The following TMEM132D variants were observed in gnomAD, a reference collection of about 807,000 sequenced individuals.
The protein encoded by TMEM132D is mature OL transmembrane protein.
Under a neutral mutation model 62.3 loss-of-function variants are expected in TMEM132D, and 21 were observed. The ratio of observed to expected loss-of-function variants is 0.34; its 90% CI spans 0.24 to 0.49. TMEM132D has a LOEUF of 0.49. Ranked by LOEUF, TMEM132D falls within the 20% of genes least tolerant of loss-of-function variation. TMEM132D has a pLI of 0.99. For missense variants in TMEM132D, 1,346 were observed against 1,402.8 expected, an observed-to-expected ratio of 0.96 and a Z score of 0.65; for synonymous variants, 621 against 575.6, an observed-to-expected ratio of 1.08 and a Z score of -1.13.
intron 3 of TMEM132D, among the ~76,000 whole-genome samples, chr12:129,420,833 G>A (rs1007061106): frequency 6.6e-6 from 1 of 152,124 alleles, no homozygotes; most frequent in Non-Finnish European, 1.5e-5. Flanking sequence ...AGACAACCCA[G>A]GAATGTTTTT....
At chr12:129,200,716 G>A (rs1371614009) in intron 5 of TMEM132D, among the ~76,000 whole-genome samples, 4 of 152,168 alleles carry the variant, frequency 2.6e-5, no homozygotes, top group Non-Finnish European at 5.9e-5. Context: ...GCTGGGAGCC[G>A]GCTCTCCACC....
chr12:129,496,942 C>G (rs550330634), intron 3 of TMEM132D, among the ~76,000 whole-genome samples: 3 of 152,308 alleles, frequency 2.0e-5, no homozygotes, highest in East Asian at 1.9e-4. Flanking sequence ...CGGGACTCTG[C>G]CAGTGGGAGT....
chr12:129,678,445 C>T (rs773163977), intron 2 of TMEM132D, among the ~76,000 whole-genome samples: 1 of 152,004 alleles, frequency 6.6e-6, no homozygotes, highest in South Asian at 2.1e-4. Flanking sequence ...TTTTTGTTTT[C>T]GTTTATAAAA....
At chr12:129,168,557 T>G (rs1390842252) in intron 5 of TMEM132D, among the ~76,000 whole-genome samples, 2 of 152,174 alleles carry the variant, frequency 1.3e-5, no homozygotes, top group African/African-American at 4.8e-5. Flanking sequence ...CTTCACCTAA[T>G]ATGACGTCCT....
At chr12:129,683,802 T>C (rs1880842496) in intron 2 of TMEM132D, among the ~76,000 whole-genome samples, 1 of 152,212 alleles carries the variant, frequency 6.6e-6, no homozygotes, top group Admixed American at 6.5e-5. Flanking sequence ...CACACATCTA[T>C]CCTTGCCCAC....
intron 1 of TMEM132D, among the ~76,000 whole-genome samples, chr12:129,841,913 T>C (rs1873204080): frequency 6.7e-6 from 1 of 150,316 alleles, no homozygotes; most frequent in Admixed American, 6.6e-5. Context: ...GCCCTTGCTC[T>C]AAGCACTCGT....
rs138110416 is a variant in TMEM132D, at chr12:129,758,382, C to T, written c.80-57684G>A. Among the ~76,000 whole-genome samples the T allele has an allele frequency of 8.9e-3, 1,360 of 152,172 alleles. 16 individuals carry two copies. The highest frequency in any genetic ancestry group is 0.031 in the African/African-American group (1,274 of 41,526). On this transcript the variant is annotated intron_variant, in intron 1 of 8. Transcript: ENST00000422113. ...TTACTCAGGGAAATGCTCTCTTATC[C>T]GGATTATAGCAGATTTCATGCTGTA... is the stretch of plus-strand genomic sequence containing the variant.
chr12:129,354,630 G>A (rs1320145194), intron 3 of TMEM132D, among the ~76,000 whole-genome samples: 3 of 152,040 alleles, frequency 2.0e-5, no homozygotes, highest in African/African-American at 7.2e-5. Flanking sequence ...TCTTTATTGG[G>A]TATTTTTTTA....
At chr12:129,113,574 A>G (rs1311096780) in intron 5 of TMEM132D, among the ~76,000 whole-genome samples, 2 of 152,182 alleles carry the variant, frequency 1.3e-5, no homozygotes, top group Non-Finnish European at 2.9e-5. Flanking sequence ...CATATTAGCA[A>G]CAGGTGCTAA....
intron 3 of TMEM132D, among the ~76,000 whole-genome samples, chr12:129,482,454 A>G (rs1323914037): frequency 6.6e-6 from 1 of 152,250 alleles, no homozygotes; most frequent in African/African-American, 2.4e-5. Flanking sequence ...ATATGTTTAA[A>G]TACTTAAGTA....
chr12:129,753,645 G>A (rs1186561077), intron 1 of TMEM132D, among the ~76,000 whole-genome samples: 2 of 152,064 alleles, frequency 1.3e-5, no homozygotes, highest in Admixed American at 6.5e-5. Context: ...ACAATCACAC[G>A]ATATTCAGCA....
chr12:129,861,621 C>T (rs1315168828), intron 1 of TMEM132D, among the ~76,000 whole-genome samples: 2 of 152,022 alleles, frequency 1.3e-5, no homozygotes, highest in Admixed American at 1.3e-4. Context: ...ATTAGCCGGT[C>T]ATGGTGGTGC....
chr12:129,123,555 T>C (rs920106002), intron 5 of TMEM132D, among the ~76,000 whole-genome samples: 37 of 152,148 alleles, frequency 2.4e-4, no homozygotes, highest in Admixed American at 7.2e-4. Flanking sequence ...GAAATGATCC[T>C]TCAGTGATTT....
chr12:129,572,154 G>A (rs155693), intron 2 of TMEM132D, among the ~76,000 whole-genome samples: 38,945 of 152,200 alleles, frequency 0.26, 5,078 homozygotes, highest in East Asian at 0.39. Context: ...TGGAATCCAC[G>A]CTGACTCAGA....
chr12:129,675,401 A>G (rs1388039548), intron 2 of TMEM132D, among the ~76,000 whole-genome samples: 4 of 152,132 alleles, frequency 2.6e-5, no homozygotes, highest in Non-Finnish European at 4.4e-5. Context: ...GAGGGAGAGC[A>G]TTAGGACAAA....
At chr12:129,102,315 C>T (rs1024979815) in intron 5 of TMEM132D, among the ~76,000 whole-genome samples, 8 of 152,124 alleles carry the variant, frequency 5.3e-5, no homozygotes, top group African/African-American at 1.2e-4. Flanking sequence ...CATGCACACA[C>T]GTGTACACAC....
chr12:129,236,255 G>T (rs142313666), intron 4 of TMEM132D, among the ~76,000 whole-genome samples: 1 of 151,766 alleles, frequency 6.6e-6, no homozygotes, highest in Non-Finnish European at 1.5e-5. Flanking sequence ...AGTGGCTCAC[G>T]CTTGTTATCC....
intron 2 of TMEM132D, among the ~76,000 whole-genome samples, chr12:129,674,804 G>C (rs1370727109): frequency 2.0e-5 from 3 of 152,160 alleles, no homozygotes; most frequent in African/African-American, 7.2e-5. Flanking sequence ...CTCCCAAAGG[G>C]CTGGGATTAC....
chr12:129,488,651 T>C (rs1442153835), intron 3 of TMEM132D, among the ~76,000 whole-genome samples: 1 of 152,050 alleles, frequency 6.6e-6, no homozygotes, highest in Non-Finnish European at 1.5e-5. Context: ...CCAACCTGGG[T>C]GACACAGCAA....
Sources: allele counts gnomAD v4.1 joint callset (sites outside exome capture counted in the v4.1 genomes callset), GRCh38; gene constraint gnomAD v4.1.1; transcripts MANE v1.5; gene names NCBI Gene and HGNC (gene_info 2026-07-23, HGNC 2026-07-21).